The following FAM117B variants were observed in gnomAD, a reference collection of about 807,000 sequenced individuals.
The protein encoded by FAM117B is protein FAM117B.
A neutral mutation model predicts 52.8 loss-of-function variants in FAM117B; 22 were observed. The observed-to-expected ratio is 0.42, with a 90% CI of 0.30 to 0.59. The LOEUF is 0.59. Ranked by LOEUF, FAM117B falls within the 20% of genes least tolerant of loss-of-function variation. The pLI is 0.22. For missense variants in FAM117B, 678 were observed against 802.6 expected (o/e 0.84, Z 1.88); for synonymous variants, 309 against 324.1 (o/e 0.95, Z 0.50).
At chr2:202,651,811 T>C (rs1689962374) in intron 1 of FAM117B, among the ~76,000 whole-genome samples, 1 of 152,004 alleles carries the variant, frequency 6.6e-6, no homozygotes, top group East Asian at 1.9e-4. Flanking sequence ...AAGACAAGTT[T>C]GGGAGGCTGA....
At chr2:202,725,824 A>G (rs1338606589) in intron 3 of FAM117B, among the ~76,000 whole-genome samples, 1 of 152,198 alleles carries the variant, frequency 6.6e-6, no homozygotes, top group African/African-American at 2.4e-5. Flanking sequence ...TTTAAAGATG[A>G]TATCTGTGAA....
At chr2:202,758,121 A>G (rs897774093) in intron 6 of FAM117B, among the ~76,000 whole-genome samples, 2 of 152,214 alleles carry the variant, frequency 1.3e-5, no homozygotes, top group Non-Finnish European at 2.9e-5. Context: ...TATAAATTCT[A>G]AAGCTCAGTT....
chr2:202,762,883 C>G (rs1691916714), intron 7 of FAM117B, among the ~76,000 whole-genome samples: 1 of 151,548 alleles, frequency 6.6e-6, no homozygotes, highest in Non-Finnish European at 1.5e-5. Flanking sequence ...TTACTGTTTA[C>G]ATTATTTTGT....
intron 1 of FAM117B, among the ~76,000 whole-genome samples, chr2:202,645,525 G>C (rs549729585): frequency 1.3e-5 from 2 of 151,404 alleles, no homozygotes. Flanking sequence ...TCCTGACCTC[G>C]TGATCTGCCC....
At chr2:202,720,632 C>T (rs1035169468) in intron 2 of FAM117B, among the ~76,000 whole-genome samples, 2 of 150,582 alleles carry the variant, frequency 1.3e-5, no homozygotes, top group African/African-American at 4.9e-5. Context: ...CCCAATTCAA[C>T]ATTTATACAT....
chr2:202,655,344 G>C (rs1366781868), intron 1 of FAM117B, among the ~76,000 whole-genome samples: 5 of 152,034 alleles, frequency 3.3e-5, no homozygotes, highest in African/African-American at 1.2e-4. Flanking sequence ...TTGTATACAG[G>C]TTTTTTTGGT....
chr2:202,726,661 G>A (rs946872095), intron 4 of FAM117B, among the ~76,000 whole-genome samples: 1 of 152,084 alleles, frequency 6.6e-6, no homozygotes, highest in Non-Finnish European at 1.5e-5. Context: ...AGAGAATTAA[G>A]CATTGGGTAT....
chr2:202,743,635 C>T (rs563097343), intron 4 of FAM117B, among the ~76,000 whole-genome samples: 1 of 147,032 alleles, frequency 6.8e-6, no homozygotes, highest in South Asian at 2.1e-4. Context: ...ACAAACAATA[C>T]AAAGAATCAG....
intron 1 of FAM117B, among the ~76,000 whole-genome samples, chr2:202,663,861 G>A (rs1040209178): frequency 7.9e-5 from 12 of 152,194 alleles, no homozygotes; most frequent in African/African-American, 2.9e-4. Flanking sequence ...TGGGATTACA[G>A]GCGTGAGCCA....
chr2:202,680,868 A>T (rs1690452166), intron 1 of FAM117B, among the ~76,000 whole-genome samples: 1 of 152,234 alleles, frequency 6.6e-6, no homozygotes, highest in Non-Finnish European at 1.5e-5. Flanking sequence ...TCTCTGATAG[A>T]AACTTGGTAT....
At chr2:202,679,479 T>C (rs13389947) in intron 1 of FAM117B, among the ~76,000 whole-genome samples, 12,388 of 152,226 alleles carry the variant, frequency 0.081, 1,677 homozygotes, top group African/African-American at 0.28. Flanking sequence ...AGAATGTGTG[T>C]ACAGTGAAAC....
chr2:202,691,698 T>TGTGTGTGC (rs1476079292), intron 1 of FAM117B, among the ~76,000 whole-genome samples: 1,839 of 131,080 alleles, frequency 0.014, 24 homozygotes, highest in South Asian at 0.018. Context: ...TGTGTGTGTG[T>TGTGTGTGC]GCGCGCGCGC....
intron 4 of FAM117B, among the ~76,000 whole-genome samples, chr2:202,745,363 G>A (rs1358371823): frequency 2.0e-5 from 3 of 151,826 alleles, no homozygotes; most frequent in Non-Finnish European, 4.4e-5. Flanking sequence ...GCCCTACAAG[G>A]AATACTTAAG....
At chr2:202,754,509 A>G (rs1390601810) in intron 4 of FAM117B, among the ~76,000 whole-genome samples, 2 of 152,038 alleles carry the variant, frequency 1.3e-5, no homozygotes. Context: ...AACAAAAACA[A>G]TAATAAACCC....
chr2:202,723,971 A>G (rs1691194559), intron 2 of FAM117B, among the ~76,000 whole-genome samples: 1 of 149,966 alleles, frequency 6.7e-6, no homozygotes, highest in Non-Finnish European at 1.5e-5. Context: ...GCATAGTTTC[A>G]TGTGCTAGGA....
chr2:202,732,628 G>T (rs995181156), intron 4 of FAM117B, among the ~76,000 whole-genome samples: 5 of 151,962 alleles, frequency 3.3e-5, no homozygotes, highest in Non-Finnish European at 7.4e-5. Flanking sequence ...AAACCACCCT[G>T]GCCAACATAG....
At chr2:202,686,395 C>T (rs181392992) in intron 1 of FAM117B, among the ~76,000 whole-genome samples, 3 of 152,328 alleles carry the variant, frequency 2.0e-5, no homozygotes, top group Admixed American at 2.0e-4. Flanking sequence ...TCCTAAGATC[C>T]AGCATTTCCA....
At chr2:202,760,858 TAAAATCTG>T (rs1468441024) in intron 7 of FAM117B, among the ~76,000 whole-genome samples, 2 of 152,202 alleles carry the variant, frequency 1.3e-5, no homozygotes, top group African/African-American at 4.8e-5. Flanking sequence ...TCTATTAGGT[TAAAATCTG>T]TTAGCCCAAA....
At chr2:202,653,722 C>G (rs1374840360) in intron 1 of FAM117B, among the ~76,000 whole-genome samples, 2 of 151,938 alleles carry the variant, frequency 1.3e-5, no homozygotes, top group South Asian at 2.1e-4. Flanking sequence ...TTTGTTAACC[C>G]GTTTTTCTTC....
Sources: allele counts gnomAD v4.1 joint callset (sites outside exome capture counted in the v4.1 genomes callset), GRCh38; gene constraint gnomAD v4.1.1; transcripts MANE v1.5; gene names NCBI Gene and HGNC (gene_info 2026-07-23, HGNC 2026-07-21).